The following CDH13 variants were observed in gnomAD, a reference collection of about 807,000 sequenced individuals.
CDH13 encodes the protein cadherin 13, also known as cadherin-13.
CDH13 carries 24 observed loss-of-function variants against 63.8 expected under a neutral mutation model. That is an observed-to-expected ratio of 0.38 (90% CI 0.27 to 0.53). The LOEUF (loss-of-function observed/expected upper bound fraction) is 0.53. Among genes scored for constraint, CDH13 ranks in the 20% least tolerant of loss-of-function variants. The probability of loss-of-function intolerance (pLI) is 0.85; values close to 1 mark genes in which losing one functional copy is unlikely to be tolerated. For synonymous variants in CDH13, 503 were observed against 355.3 expected, an observed-to-expected ratio of 1.42 and a Z score of -4.67; for missense variants, 1,049 against 903.1, an observed-to-expected ratio of 1.16 and a Z score of -2.07.
chr16:82,701,507 C>G (rs1485354066), intron 1 of CDH13, among the ~76,000 whole-genome samples: 1 of 152,182 alleles, frequency 6.6e-6, no homozygotes, highest in African/African-American at 2.4e-5. Flanking sequence ...TAGTAGATTG[C>G]ACAACTGGCA....
At chr16:83,240,228 G>C (rs1237640042) in intron 5 of CDH13, among the ~76,000 whole-genome samples, 1 of 152,150 alleles carries the variant, frequency 6.6e-6, no homozygotes, top group Non-Finnish European at 1.5e-5. Flanking sequence ...TAGGTGCAAA[G>C]ATCCGGAGGT....
chr16:83,211,577 A>T (rs531086509), intron 4 of CDH13, among the ~76,000 whole-genome samples: 1 of 152,180 alleles, frequency 6.6e-6, no homozygotes, highest in African/African-American at 2.4e-5. Flanking sequence ...TAGGCATGGG[A>T]CTTTGCAGGG....
intron 4 of CDH13, among the ~76,000 whole-genome samples, chr16:83,134,245 T>G (rs1036601427): frequency 6.6e-6 from 1 of 152,118 alleles, no homozygotes; most frequent in Admixed American, 6.6e-5. Context: ...CGGGCTGGAG[T>G]GCAGTGGCAC....
intron 1 of CDH13, among the ~76,000 whole-genome samples, chr16:82,756,252 T>A (rs1299725595): frequency 6.6e-6 from 1 of 152,090 alleles, no homozygotes; most frequent in Non-Finnish European, 1.5e-5. Context: ...ATAAAAAATT[T>A]GGGGAAAGAG....
At chr16:82,685,262 G>T (rs1046200327) in intron 1 of CDH13, among the ~76,000 whole-genome samples, 1 of 152,148 alleles carries the variant, frequency 6.6e-6, no homozygotes, top group African/African-American at 2.4e-5. Flanking sequence ...AGATCAAAGC[G>T]CCAACAGATT....
chr16:83,559,558 C>G (rs540649444), intron 7 of CDH13, among the ~76,000 whole-genome samples: 2 of 123,656 alleles, frequency 1.6e-5, no homozygotes, highest in Non-Finnish European at 3.3e-5. Flanking sequence ...GCAACAAGAG[C>G]GAAACTGTAT....
intron 5 of CDH13, among the ~76,000 whole-genome samples, chr16:83,221,695 C>A (rs1028425137): frequency 6.6e-6 from 1 of 151,752 alleles, no homozygotes; most frequent in African/African-American, 2.4e-5. Flanking sequence ...GCAGGAGGTG[C>A]AGGGCAAAAC....
chr16:82,672,810 C>G (rs1193543357), intron 1 of CDH13, among the ~76,000 whole-genome samples: 2 of 151,158 alleles, frequency 1.3e-5, no homozygotes, highest in African/African-American at 4.9e-5. Context: ...CATACACACA[C>G]ACACACAAAA....
intron 2 of CDH13, among the ~76,000 whole-genome samples, chr16:82,896,363 C>T (rs1239948045): frequency 1.4e-5 from 2 of 141,020 alleles, no homozygotes; most frequent in Non-Finnish European, 3.0e-5. Flanking sequence ...GCTATCACAG[C>T]TTATTGCAGT....
At chr16:83,368,379 T>C (rs538932120) in intron 6 of CDH13, among the ~76,000 whole-genome samples, 1 of 152,352 alleles carries the variant, frequency 6.6e-6, no homozygotes, top group African/African-American at 2.4e-5. Flanking sequence ...TGGAAAGAAT[T>C]TGGTTGCTTG....
intron 4 of CDH13, among the ~76,000 whole-genome samples, chr16:83,153,545 A>G (rs2037080643): frequency 6.6e-6 from 1 of 152,226 alleles, no homozygotes; most frequent in Non-Finnish European, 1.5e-5. Flanking sequence ...ACTATAAACT[A>G]AGCTCCTCCC....
At chr16:82,918,377 C>A (rs35775260) in intron 2 of CDH13, among the ~76,000 whole-genome samples, 54,284 of 151,748 alleles carry the variant, frequency 0.36, 10,404 homozygotes, top group Non-Finnish European at 0.44. Context: ...TTGAGACATC[C>A]TGAAGATGAG....
intron 1 of CDH13, among the ~76,000 whole-genome samples, chr16:82,758,770 G>T (rs149408741): frequency 3.2e-4 from 49 of 152,346 alleles, no homozygotes; most frequent in African/African-American, 1.2e-3. Flanking sequence ...ATGGGGCCAT[G>T]ATTAGCCCAA....
intron 5 of CDH13, among the ~76,000 whole-genome samples, chr16:83,313,411 A>G (rs79842380): frequency 2.6e-5 from 4 of 152,286 alleles, no homozygotes; most frequent in Middle Eastern, 3.4e-3. Flanking sequence ...TGTCATAAGC[A>G]TCATGCCCCT....
chr16:82,747,975 T>A (rs1444772552), intron 1 of CDH13, among the ~76,000 whole-genome samples: 2 of 152,234 alleles, frequency 1.3e-5, no homozygotes, highest in Admixed American at 1.3e-4. Flanking sequence ...CTGGAAAAGC[T>A]TGGGCTCAAC....
At chr16:82,888,631 C>T (rs989437969) in intron 2 of CDH13, among the ~76,000 whole-genome samples, 1 of 152,174 alleles carries the variant, frequency 6.6e-6, no homozygotes, top group African/African-American at 2.4e-5. Context: ...CCTTGTAGAC[C>T]TCCCCTAGCA....
intron 7 of CDH13, among the ~76,000 whole-genome samples, chr16:83,540,135 G>A (rs2075272786): frequency 6.6e-6 from 1 of 150,896 alleles, no homozygotes; most frequent in African/African-American, 2.4e-5. Context: ...ATCCATCTAG[G>A]CTAACTTCAA....
intron 2 of CDH13, among the ~76,000 whole-genome samples, chr16:83,021,386 A>G (rs1441097327): frequency 3.3e-5 from 5 of 152,232 alleles, no homozygotes; most frequent in African/African-American, 1.2e-4. Context: ...ATAGCATTCT[A>G]TCAGGAAACA....
At chr16:83,273,182 C>G (rs1456241285) in intron 5 of CDH13, among the ~76,000 whole-genome samples, 5 of 150,910 alleles carry the variant, frequency 3.3e-5, no homozygotes, top group African/African-American at 1.2e-4. Context: ...ATTTTTTTTT[C>G]TTTTTTAAAC....
Sources: allele counts gnomAD v4.1 joint callset (sites outside exome capture counted in the v4.1 genomes callset), GRCh38; gene constraint gnomAD v4.1.1; transcripts MANE v1.5; gene names NCBI Gene and HGNC (gene_info 2026-07-23, HGNC 2026-07-21).